The following TMC1 variants were observed in gnomAD, a reference collection of about 807,000 sequenced individuals.
The protein encoded by TMC1 is transmembrane channel-like protein 1.
A neutral mutation model predicts 105.8 loss-of-function variants in TMC1; 84 were observed. That is an observed-to-expected ratio of 0.79 (90% confidence interval 0.67 to 0.95). The LOEUF (loss-of-function observed/expected upper bound fraction) is 0.95, where lower values mean the gene tolerates loss of function less well. Ranked by LOEUF, TMC1 falls within the 40% of genes least tolerant of loss-of-function variation. TMC1 has a pLI of 0.00. For missense variants in TMC1, 817 were observed against 914.1 expected (o/e 0.89, Z 1.37); for synonymous variants, 315 against 311.5 (o/e 1.01, Z -0.12).
intron 1 of TMC1, among the ~76,000 whole-genome samples, chr9:72,539,738 G>A (rs1823644501): frequency 6.6e-6 from 1 of 152,112 alleles, no homozygotes; most frequent in Admixed American, 6.5e-5. Context: ...CTGTTCCAAA[G>A]TTGCTTCCAC....
chr9:72,727,913 A>G (rs529881145), intron 8 of TMC1, among the ~76,000 whole-genome samples: 1 of 152,280 alleles, frequency 6.6e-6, no homozygotes, highest in South Asian at 2.1e-4. Flanking sequence ...CATAGAGCTT[A>G]AAGAGACTAT....
At chr9:72,794,080 C>A (rs1352118055) in intron 17 of TMC1, among the ~76,000 whole-genome samples, 2 of 152,046 alleles carry the variant, frequency 1.3e-5, no homozygotes, top group Non-Finnish European at 2.9e-5. Flanking sequence ...CCTACCTACC[C>A]CCACCCCCCT....
intron 21 of TMC1, 62 bp downstream of exon 21, chr9:72,827,056 T>C: frequency 6.3e-7 from 1 of 1,599,256 alleles, no homozygotes; most frequent in Non-Finnish European, 8.6e-7. Flanking sequence ...TGTTTTTACA[T>C]TTCAGCTTTT....
In TMC1 at chr9:72,789,278, G is replaced by T; in HGVS notation, c.1185G>T (p.Gln395His). 1 of 1,614,044 alleles carries T rather than the reference G, an allele frequency of 6.2e-7. No homozygotes were observed. The highest frequency in any genetic ancestry group is 2.2e-5 in the East Asian group (1 of 44,880). The part of the protein sequence containing the change: ...WAVKRSQEFA[Q>H]QDPDTLGWWE... ...TGAAGCGATCCCAGGAATTTGCACA[G>T]CAAGATCCTGACACCCTTGGGTGGT... is the stretch of plus-strand genomic sequence containing the variant. Residue 395 changes from glutamine to histidine, a missense_variant, in exon 15 of 24, where the codon CAG (glutamine) becomes CAT (histidine). Coordinates refer to ENST00000297784, the MANE Select transcript of TMC1 (RefSeq NM_138691.3).
intron 2 of TMC1, among the ~76,000 whole-genome samples, chr9:72,613,953 T>C (rs1298104694): frequency 1.3e-5 from 2 of 152,164 alleles, no homozygotes; most frequent in Admixed American, 6.5e-5. Flanking sequence ...TGGGGCTCTA[T>C]GTTTAAAACT....
intron 4 of TMC1, among the ~76,000 whole-genome samples, chr9:72,639,964 AC>A (rs1453005275): frequency 2.6e-5 from 4 of 152,230 alleles, no homozygotes; most frequent in African/African-American, 4.8e-5. Context: ...AGATCAAAGA[AC>A]CAATTTCATA....
chr9:72,593,567 T>C (rs1261693017), intron 2 of TMC1, among the ~76,000 whole-genome samples: 2 of 151,540 alleles, frequency 1.3e-5, no homozygotes, highest in East Asian at 3.9e-4. Context: ...TAATTTCGTA[T>C]TTTTAGTAGA....
intron 13 of TMC1, 86 bp downstream of exon 13, chr9:72,772,641 T>C: frequency 6.4e-7 from 1 of 1,571,866 alleles, no homozygotes; most frequent in Middle Eastern, 1.7e-4. Flanking sequence ...TATAATTTTG[T>C]TGCTATTTTA....
chr9:72,816,012 T>C, intron 18 of TMC1, 131 bp from the exon 19 acceptor site: 1 of 782,724 alleles, frequency 1.3e-6, no homozygotes, highest in Non-Finnish European at 2.3e-6. Flanking sequence ...TGGTTACTTA[T>C]CCTAGTGATT....
At chr9:72,640,046 A>T (rs564435940) in intron 4 of TMC1, among the ~76,000 whole-genome samples, 9 of 150,318 alleles carry the variant, frequency 6.0e-5, no homozygotes, top group South Asian at 2.1e-4. Context: ...TGCCAATCCA[A>T]TTTTTTTTTT....
At chr9:72,585,871 C>T (rs1564427459) in intron 2 of TMC1, among the ~76,000 whole-genome samples, 2 of 152,210 alleles carry the variant, frequency 1.3e-5, no homozygotes, top group Admixed American at 6.5e-5. Flanking sequence ...CAGGAGGATT[C>T]GTCATGCACC....
At chr9:72,687,682 G>A (rs1826399722) in intron 5 of TMC1, among the ~76,000 whole-genome samples, 1 of 152,066 alleles carries the variant, frequency 6.6e-6, no homozygotes, top group African/African-American at 2.4e-5. Context: ...CTTGGCATGT[G>A]TTGCCTTTTC....
At chr9:72,535,054 G>A (rs76722494) in intron 1 of TMC1, among the ~76,000 whole-genome samples, 1 of 125,710 alleles carries the variant, frequency 8.0e-6, no homozygotes, top group African/African-American at 3.5e-5. Context: ...TAGAGAGAGA[G>A]AAAAAAAAAA....
At chr9:72,609,763 T>C (rs898108387) in intron 2 of TMC1, among the ~76,000 whole-genome samples, 1 of 152,210 alleles carries the variant, frequency 6.6e-6, no homozygotes, top group African/African-American at 2.4e-5. Context: ...TTTCCACATC[T>C]GATTCAAGCA....
intron 23 of TMC1, among the ~76,000 whole-genome samples, chr9:72,831,753 C>T (rs1439951417): frequency 1.3e-5 from 2 of 152,012 alleles, no homozygotes; most frequent in African/African-American, 2.4e-5. Flanking sequence ...TATGTCCCTA[C>T]AAAGGACATG....
intron 13 of TMC1, among the ~76,000 whole-genome samples, chr9:72,775,280 G>A (rs1203877521): frequency 1.3e-5 from 2 of 150,354 alleles, no homozygotes; most frequent in Non-Finnish European, 3.0e-5. Flanking sequence ...TTTCTTTCCA[G>A]GTCAGTGTAC....
rs544455531 is a variant in TMC1, at chr9:72,637,755, T to C, written c.-53+9692T>C. Among the ~76,000 whole-genome samples, 21 of 152,272 alleles carry C rather than the reference T, an allele frequency of 1.4e-4. 2 individuals carry two copies. In the South Asian group the frequency reaches 4.4e-3, roughly 32 times the overall value. On this transcript the variant is annotated intron_variant, in intron 4 of 23. Transcript: ENST00000297784. The stretch of plus-strand genomic sequence containing the variant: ...CTTGACAAATAATTTTACTAAAGAA[T>C]CCTAGAAAGTCAATGGCAACATTTT...
rs909805556 is a variant in TMC1, at chr9:72,835,824, C to T, written c.2261-127C>T. The stretch of plus-strand genomic sequence containing the variant: ...GAAAGTAGAGCACATTTGGACAATA[C>T]AGATTTCTGGCCACCTCATTCAGAA... On this transcript the variant is annotated intron_variant, in intron 23 of 23. Coordinates refer to ENST00000297784, the MANE Select transcript of TMC1 (RefSeq NM_138691.3). The T allele has an allele frequency of 1.3e-4, 127 of 995,932 alleles. 3 individuals are homozygous for T. In the South Asian group the frequency reaches 1.8e-3, roughly 14 times the overall value. The allele number at this position is 995,932 out of a possible 1,614,324, so 61.7% of individuals were successfully genotyped here.
chr9:72,694,740 A>G, intron 7 of TMC1, 26 bp downstream of exon 7: 3 of 1,588,190 alleles, frequency 1.9e-6, no homozygotes, highest in Non-Finnish European at 2.6e-6. Flanking sequence ...TATTCTTTCA[A>G]AAGTTCCAAT....
Sources: allele counts gnomAD v4.1 joint callset (sites outside exome capture counted in the v4.1 genomes callset), GRCh38; gene constraint gnomAD v4.1.1; transcripts MANE v1.5; gene names NCBI Gene and HGNC (gene_info 2026-07-23, HGNC 2026-07-21).